Variants in SPATA13 observed in about 807,000 individuals in gnomAD.
SPATA13 encodes spermatogenesis associated 13, also known as spermatogenesis-associated protein 13.
In SPATA13, 50 loss-of-function variants were observed where a neutral mutation model predicts 104.0. The ratio of observed to expected loss-of-function variants is 0.48; its 90% CI spans 0.38 to 0.61. SPATA13 has a LOEUF of 0.61. Ranked by LOEUF, SPATA13 falls within the 20% of genes least tolerant of loss-of-function variation. SPATA13 has a pLI of 0.00. For synonymous variants in SPATA13, 606 were observed against 667.5 expected (o/e 0.91, Z 1.42); for missense variants, 1,524 against 1,690.6 (o/e 0.90, Z 1.73).
At chr13:24,155,581 A>T (rs1882234375) in intron 3 of SPATA13, among the ~76,000 whole-genome samples, 1 of 152,202 alleles carries the variant, frequency 6.6e-6, no homozygotes, top group African/African-American at 2.4e-5. Flanking sequence ...ACCAAGCCAG[A>T]GTCAGTGAGT....
At chr13:24,175,544 A>G (rs9511109) in intron 1 of SPATA13, among the ~76,000 whole-genome samples, 119,157 of 152,176 alleles carry the variant, frequency 0.78, 49,131 homozygotes, top group East Asian at 0.92. Context: ...AGTTAGGGCT[A>G]GAAGAAAGGG....
chr13:24,060,700 TATCCAA>T (rs3075322), intron 3 of SPATA13, among the ~76,000 whole-genome samples: 72,431 of 151,398 alleles, frequency 0.48, 18,533 homozygotes, highest in East Asian at 0.66. Context: ...AAAGGTCTAA[TATCCAA>T]ATCCAGCATC....
chr13:24,302,624 C>T lies in SPATA13; in HGVS notation c.3685C>T (p.Pro1229Ser). 2 of 1,611,556 alleles carry T rather than the reference C, an allele frequency of 1.2e-6. No individual in the cohort carries two copies. The highest frequency in any genetic ancestry group is 1.7e-6 in the Non-Finnish European group (2 of 1,178,460). The change falls in exon 13 of 13, where the codon CCG becomes TCG. Residue 1229 changes from proline (P) to serine (S), a missense_variant. Transcript: ENST00000382108. ...KGYNRCPVAP[P>S]HQGLHPIHQR... ...CTACAACAGGTGCCCTGTGGCCCCA[C>T]CGCACCAGGGCCTGCACCCCATCCA...
At chr13:24,169,542 C>T (rs1447417484) in intron 1 of SPATA13, among the ~76,000 whole-genome samples, 3 of 152,292 alleles carry the variant, frequency 2.0e-5, no homozygotes, top group East Asian at 3.9e-4. Context: ...CTTCTCCAGA[C>T]TCTGCCCTGG....
chr13:24,068,549 A>G (rs1277301184), intron 3 of SPATA13, among the ~76,000 whole-genome samples: 2 of 152,218 alleles, frequency 1.3e-5, no homozygotes, highest in Non-Finnish European at 1.5e-5. Flanking sequence ...TTGAAGAATC[A>G]CCACACTGTC....
At chr13:24,275,888 C>T (rs966100686) in intron 4 of SPATA13, among the ~76,000 whole-genome samples, 6 of 152,338 alleles carry the variant, frequency 3.9e-5, no homozygotes, top group East Asian at 1.9e-4. Context: ...GAGCTGAGAT[C>T]GCGCCACAGC....
chr13:23,998,575 G>A (rs1312580909), intron 2 of SPATA13, among the ~76,000 whole-genome samples: 1 of 152,144 alleles, frequency 6.6e-6, no homozygotes, highest in Admixed American at 6.5e-5. Context: ...TTTAAATTTT[G>A]ATGAAATCCA....
At chr13:24,289,582 A>C (rs1277645272) in intron 8 of SPATA13, among the ~76,000 whole-genome samples, 1 of 152,144 alleles carries the variant, frequency 6.6e-6, no homozygotes, top group African/African-American at 2.4e-5. Context: ...AGATATGATT[A>C]TCTCTCACTT....
chr13:23,986,058 C>T (rs954644700), intron 2 of SPATA13, among the ~76,000 whole-genome samples: 1 of 152,144 alleles, frequency 6.6e-6, no homozygotes, highest in Admixed American at 6.5e-5. Flanking sequence ...GTGCAGCTGT[C>T]GCTCATTCCA....
chr13:24,100,344 T>C (rs973504422), intron 3 of SPATA13, among the ~76,000 whole-genome samples: 1 of 152,222 alleles, frequency 6.6e-6, no homozygotes, highest in African/African-American at 2.4e-5. Flanking sequence ...GGAAATACTT[T>C]CCACTTTCTC....
In SPATA13 at chr13:24,051,455, A is replaced by T. The variant is rs1320727852; in HGVS notation, c.-112+33754A>T. Among the ~76,000 whole-genome samples the T allele has an allele frequency of 6.6e-6, 1 of 152,072 alleles. No homozygotes were observed. Among genetic ancestry groups the T allele is most frequent in the African/African-American group, 2.4e-5 (1 of 41,410 alleles). On this transcript the variant is annotated intron_variant, in intron 3 of 14. Coordinates refer to the SPATA13 transcript ENST00000424834. The surrounding 1 kb of genome is among the most constrained non-coding windows in gnomAD (Gnocchi z 4.2). ...CTGCCAGGCTCTCGCCTCCAGTTTC[A>T]CACATCCTTGCACCTGCCTGGGCGA...
chr13:24,019,158 G>A (rs1316561277), intron 3 of SPATA13, among the ~76,000 whole-genome samples: 2 of 147,834 alleles, frequency 1.4e-5, no homozygotes, highest in Non-Finnish European at 3.0e-5. Flanking sequence ...GCGGGATCTC[G>A]GCTCACTGTA....
chr13:24,196,347 G>GT (rs1289194928), intron 1 of SPATA13, among the ~76,000 whole-genome samples: 5 of 152,180 alleles, frequency 3.3e-5, no homozygotes, highest in African/African-American at 1.2e-4. Flanking sequence ...AATTTACAGT[G>GT]TTTTTTAATG....
chr13:24,289,343 A>T (rs759524648), intron 8 of SPATA13, among the ~76,000 whole-genome samples, 165 bp downstream of exon 8: 2 of 152,210 alleles, frequency 1.3e-5, no homozygotes, highest in Non-Finnish European at 2.9e-5. Flanking sequence ...ATATAAACAA[A>T]ATCTGTATAG....
At chr13:24,245,341 A>T (rs976752656) in intron 2 of SPATA13, among the ~76,000 whole-genome samples, 1 of 151,982 alleles carries the variant, frequency 6.6e-6, no homozygotes, top group Non-Finnish European at 1.5e-5. Flanking sequence ...TTGTTTCATA[A>T]GGAATTTAAC....
At chr13:24,174,571 T>G (rs1344699121) in intron 1 of SPATA13, among the ~76,000 whole-genome samples, 2 of 151,306 alleles carry the variant, frequency 1.3e-5, no homozygotes, top group African/African-American at 4.8e-5. Flanking sequence ...TTCCCTTTAT[T>G]TTATTTTTTA....
At chr13:24,032,020 A>G (rs1163542352) in intron 3 of SPATA13, among the ~76,000 whole-genome samples, 2 of 152,168 alleles carry the variant, frequency 1.3e-5, no homozygotes, top group Non-Finnish European at 2.9e-5. Flanking sequence ...ATCTTCTGCT[A>G]TGCCCATCTT....
At position 24,051,122 on chromosome 13, in the gene SPATA13, A is replaced by C. The variant is rs75859902; in HGVS notation, c.-112+33421A>C. On this transcript the variant is annotated intron_variant, in intron 3 of 14. Transcript: ENST00000424834. This position sits in a 1 kb window ranked among gnomAD's most constrained non-coding sequence, Gnocchi z 4.2. ...CACCTTTTATGAATGTCACTGAGCA[A>C]ATGAACTCCAAGTGAGCACTGCTGG... Among the ~76,000 whole-genome samples the C allele has an allele frequency of 9.4e-3, 1,427 of 152,200 alleles. 27 individuals are homozygous for C. The highest frequency in any genetic ancestry group is 0.031 in the African/African-American group (1,288 of 41,518).
intron 3 of SPATA13, among the ~76,000 whole-genome samples, chr13:24,154,846 C>A (rs111827015): frequency 0.013 from 1,924 of 152,264 alleles, 41 homozygotes; most frequent in African/African-American, 0.043. Flanking sequence ...AGCTGTGTGA[C>A]TGATAGACCA....
Sources: allele counts gnomAD v4.1 joint callset (sites outside exome capture counted in the v4.1 genomes callset), GRCh38; gene constraint gnomAD v4.1.1; non-coding constraint Gnocchi (gnomAD v3.1); transcripts MANE v1.5; gene names NCBI Gene and HGNC (gene_info 2026-07-23, HGNC 2026-07-21).